GSG1L2: variants seen among roughly 807,000 people sequenced by gnomAD.
The protein encoded by GSG1L2 is germ cell-specific gene 1-like protein 2.
GSG1L2 carries 15 observed loss-of-function variants against 9.0 expected under a neutral mutation model. The ratio of observed to expected loss-of-function variants is 1.67; its 90% CI spans 1.12 to 2.57. The LOEUF (loss-of-function observed/expected upper bound fraction) is 2.57. Among genes scored for constraint, GSG1L2 ranks in the 30% most tolerant of loss-of-function variants. The probability of loss-of-function intolerance (pLI) is 0.00; values close to 1 mark genes in which losing one functional copy is unlikely to be tolerated. For synonymous variants in GSG1L2, 127 were observed against 57.9 expected, an observed-to-expected ratio of 2.19 and a Z score of -5.41; for missense variants, 286 against 150.3, an observed-to-expected ratio of 1.90 and a Z score of -4.72.
chr17:9,816,033 C>T (rs567216245), intron 1 of GSG1L2, among the ~76,000 whole-genome samples: 1 of 152,270 alleles, frequency 6.6e-6, no homozygotes, highest in South Asian at 2.1e-4. Context: ...CCATGGGCTG[C>T]CCTGCACCTC....
intron 1 of GSG1L2, among the ~76,000 whole-genome samples, chr17:9,816,570 GTGTC>G (rs1351555209): frequency 3.3e-5 from 4 of 120,686 alleles, no homozygotes; most frequent in Admixed American, 8.1e-5. Flanking sequence ...ATGCATATCT[GTGTC>G]TGTGTGTGCA....
intron 2 of GSG1L2, chr17:9,810,199 G>A (rs1236162935): frequency 3.6e-6 from 1 of 278,724 alleles, no homozygotes; most frequent in African/African-American, 2.2e-5. Context: ...GAGCTTTAGA[G>A]AGAAGAAAAA....
intron 1 of GSG1L2, 194 bp from the exon 2 acceptor site, chr17:9,810,812 A>T (rs538766036): frequency 3.4e-6 from 2 of 584,134 alleles, no homozygotes; most frequent in African/African-American, 3.7e-5. Flanking sequence ...TGGCCACGTA[A>T]CACTCTTTGA....
Position 9,820,631 on chromosome 17 carries a change from G to A in GSG1L2, c.310+1131C>T, listed in dbSNP as rs867528623. On this transcript the variant is annotated intron_variant, in intron 1 of 4. Transcript: ENST00000399363. The surrounding 1 kb of genome is among the most constrained non-coding windows in gnomAD (Gnocchi z 4.9). ...GCCACCACTGGGAGAGAGGGTGGAA[G>A]GGAGGGACATACAGCACCTCTGAGT... Among the ~76,000 whole-genome samples, 5 of 151,088 alleles carry A rather than the reference G, an allele frequency of 3.3e-5. No individual in the cohort carries two copies. In the Middle Eastern group the frequency reaches 0.01, roughly 310 times the overall value.
rs11373322 is a variant in GSG1L2, at chr17:9,820,486, T to TC, written c.310+1275dup. Among the ~76,000 whole-genome samples the TC allele has an allele frequency of 0.55, 83,669 of 151,232 alleles. 25,473 individuals are homozygous for TC. The highest frequency in any genetic ancestry group is 0.96 in the East Asian group (4,880 of 5,104). On this transcript the variant is annotated intron_variant, in intron 1 of 4. Coordinates refer to ENST00000399363, the MANE Select transcript of GSG1L2 (RefSeq NM_001310219.2). The surrounding 1 kb of genome is among the most constrained non-coding windows in gnomAD (Gnocchi z 4.9). ...CCTGAGAAGCGAGGAACTGTGGAGG[T>TC]CCTAAATAGCCTTAGCTCCAGGCAC...
intron 4 of GSG1L2, among the ~76,000 whole-genome samples, chr17:9,803,330 C>T (rs924345312): frequency 4.6e-5 from 7 of 152,022 alleles, no homozygotes; most frequent in Non-Finnish European, 1.0e-4. Context: ...CTTGACCTCC[C>T]GACCTCAGGT....
At chr17:9,807,844 G>A (rs2066521992) in intron 3 of GSG1L2, 1 of 430,632 alleles carries the variant, frequency 2.3e-6, no homozygotes, top group African/African-American at 2.0e-5. Flanking sequence ...CCATGGCCTG[G>A]TTCCTTCCTA....
intron 1 of GSG1L2, among the ~76,000 whole-genome samples, chr17:9,816,567 T>C (rs898602784): frequency 2.5e-5 from 3 of 122,340 alleles, no homozygotes; most frequent in South Asian, 3.1e-4. Flanking sequence ...TGCATGCATA[T>C]CTGTGTCTGT....
rs114110156 is a variant in GSG1L2 at position 9,815,514 on chromosome 17, C to T, written c.311-4896G>A. 6.6e-3 allele frequency among the ~76,000 whole-genome samples: 1,010 copies of T among 152,236 alleles called. 14 individuals carry two copies. The highest frequency in any genetic ancestry group is 0.023 in the African/African-American group (956 of 41,510). On this transcript the variant is annotated intron_variant, in intron 1 of 4. Coordinates refer to ENST00000399363, the MANE Select transcript of GSG1L2 (RefSeq NM_001310219.2). Reference sequence around the variant, plus strand: ...CTATGCTCCATAAATTTGGGGGAAACACTGGAATATGTAATGTTAAACAAA... The same window carrying T: ...CTATGCTCCATAAATTTGGGGGAAATACTGGAATATGTAATGTTAAACAAA...
At chr17:9,821,644 G>T (rs1383812369) in intron 1 of GSG1L2, 118 bp downstream of exon 1, 3 of 643,316 alleles carry the variant, frequency 4.7e-6, no homozygotes, top group Non-Finnish European at 5.7e-6. Context: ...CAGAGCCCCT[G>T]CATCATCCCG....
intron 4 of GSG1L2, chr17:9,805,307 G>GA (rs1276480415): frequency 4.0e-5 from 6 of 150,192 alleles, no homozygotes; most frequent in Admixed American, 6.7e-5. Context: ...TGAATGTGGA[G>GA]AAAAGAGGAT....
chr17:9,801,365 G>C lies in GSG1L2; in HGVS notation c.*1021C>G, dbSNP rs1305411456. 6.6e-6 allele frequency among the ~76,000 whole-genome samples: 1 copy of C among 151,550 alleles called. No homozygotes were observed. The highest frequency in any genetic ancestry group is 2.4e-5 in the African/African-American group (1 of 41,254). On this transcript the variant is annotated 3_prime_UTR_variant, in exon 5 of 5. Coordinates refer to ENST00000399363, the MANE Select transcript of GSG1L2 (RefSeq NM_001310219.2). Reference sequence around the variant, plus strand: ...TGGGATTACAGACATGTGCCACCATGCTTGGCTATTTTTGATGTTTTTTTT... The same window carrying C: ...TGGGATTACAGACATGTGCCACCATCCTTGGCTATTTTTGATGTTTTTTTT...
chr17:9,812,398 C>T (rs1375345411), intron 1 of GSG1L2, among the ~76,000 whole-genome samples: 3 of 152,116 alleles, frequency 2.0e-5, no homozygotes, highest in Non-Finnish European at 2.9e-5. Flanking sequence ...TCTCCATCAC[C>T]CTGACTTCCC....
Position 9,818,501 on chromosome 17 carries a change from A to ATTTTTTT in GSG1L2, c.310+3254_310+3260dup, listed in dbSNP as rs377057350. 5.0e-3 allele frequency among the ~76,000 whole-genome samples: 418 copies of ATTTTTTT among 82,796 alleles called. 17 individuals carry two copies. The highest frequency in any genetic ancestry group is 7.2e-3 in the Non-Finnish European group (326 of 45,584). 54.3% of individuals were successfully genotyped at this position (82,796 alleles called of 152,430 possible). The stretch of plus-strand genomic sequence containing the variant: ...GGTGCACACCACCACACACAGCTAA[A>ATTTTTTT]TTTTTTTTTTTTTTTTTTTTTTTTT... On this transcript the variant is annotated intron_variant, in intron 1 of 4. Transcript: ENST00000399363.
intron 4 of GSG1L2, among the ~76,000 whole-genome samples, chr17:9,806,500 A>G (rs1176084490): frequency 6.6e-6 from 1 of 152,238 alleles, no homozygotes; most frequent in African/African-American, 2.4e-5. Context: ...AAATTAAGTA[A>G]TTGAAAGTAA....
At chr17:9,821,370 A>G (rs2066588954) in intron 1 of GSG1L2, among the ~76,000 whole-genome samples, 1 of 152,052 alleles carries the variant, frequency 6.6e-6, no homozygotes, top group African/African-American at 2.4e-5. Flanking sequence ...TTTCATTCCC[A>G]AAGGATTTTA....
rs553561902 is a variant in GSG1L2, at chr17:9,811,653, G to C, written c.311-1035C>G. The stretch of plus-strand genomic sequence containing the variant: ...TCAGCCCAAAATAGAATCATAGACT[G>C]TCGAGTGGGAGGAGCCTGGGAAATC... On this transcript the variant is annotated intron_variant, in intron 1 of 4. Coordinates refer to ENST00000399363, the MANE Select transcript of GSG1L2 (RefSeq NM_001310219.2). 7.2e-5 allele frequency among the ~76,000 whole-genome samples: 11 copies of C among 152,326 alleles called. No individual in the cohort carries two copies. The South Asian group carries it at 2.3e-3, about 32-fold the overall frequency.
At chr17:9,821,616 AC>A in intron 1 of GSG1L2, 145 bp downstream of exon 1, 1 of 625,828 alleles carries the variant, frequency 1.6e-6, no homozygotes, top group Non-Finnish European at 2.9e-6. Flanking sequence ...AAGGATTCAA[AC>A]CCAGACAGCC....
intron 2 of GSG1L2, chr17:9,809,316 G>C: frequency 2.8e-6 from 1 of 358,808 alleles, no homozygotes; most frequent in Non-Finnish European, 5.3e-6. Flanking sequence ...GGTTCCTGCC[G>C]GTGGGTTCAT....
Sources: allele counts gnomAD v4.1 joint callset (sites outside exome capture counted in the v4.1 genomes callset), GRCh38; gene constraint gnomAD v4.1.1; non-coding constraint Gnocchi (gnomAD v3.1); transcripts MANE v1.5; gene names NCBI Gene and HGNC (gene_info 2026-07-23, HGNC 2026-07-21).